Variants in COL25A1 observed in about 807,000 individuals in gnomAD.
COL25A1 encodes the protein collagen alpha-1(XXV) chain.
A neutral mutation model predicts 128.4 loss-of-function variants in COL25A1; 103 were observed. That is an observed-to-expected ratio of 0.80 (90% CI 0.68 to 0.94). The LOEUF is 0.94. Ranked by LOEUF, COL25A1 falls within the 40% of genes least tolerant of loss-of-function variation. The pLI is 0.00. For synonymous variants in COL25A1, 279 were observed against 277.2 expected, an observed-to-expected ratio of 1.01 and a Z score of -0.06; for missense variants, 745 against 840.0, an observed-to-expected ratio of 0.89 and a Z score of 1.40.
At chr4:109,269,916 C>T (rs1553971522) in intron 3 of COL25A1, among the ~76,000 whole-genome samples, 1 of 152,270 alleles carries the variant, frequency 6.6e-6, no homozygotes, top group East Asian at 1.9e-4. Context: ...TGGTTCAATA[C>T]ACACAAATCA....
intron 3 of COL25A1, among the ~76,000 whole-genome samples, chr4:109,074,627 T>C (rs905902640): frequency 5.9e-5 from 9 of 152,198 alleles, no homozygotes; most frequent in African/African-American, 1.9e-4. Context: ...GTGACTTAGT[T>C]TAAGTAATGA....
At chr4:109,296,378 A>T (rs774506304) in intron 3 of COL25A1, among the ~76,000 whole-genome samples, 2 of 152,090 alleles carry the variant, frequency 1.3e-5, no homozygotes, top group Non-Finnish European at 2.9e-5. Context: ...CATCTGCCCC[A>T]AAGCACACTA....
intron 28 of COL25A1, among the ~76,000 whole-genome samples, chr4:108,845,556 C>T (rs370882337): frequency 1.1e-4 from 17 of 152,058 alleles, no homozygotes; most frequent in African/African-American, 3.9e-4. Context: ...TATGGTGGTG[C>T]GCAATTTAAA....
intron 8 of COL25A1, among the ~76,000 whole-genome samples, chr4:108,956,989 T>TA (rs919448791): frequency 1.3e-4 from 20 of 152,068 alleles, no homozygotes; most frequent in Non-Finnish European, 4.4e-5. Flanking sequence ...ATAGTAACAG[T>TA]AAAAAAAATT....
chr4:109,134,302 T>A (rs1012228926), intron 3 of COL25A1, among the ~76,000 whole-genome samples: 1 of 152,010 alleles, frequency 6.6e-6, no homozygotes, highest in African/African-American at 2.4e-5. Flanking sequence ...GAAGATAGAT[T>A]AGACAGAAGG....
intron 5 of COL25A1, 63 bp downstream of exon 5, chr4:109,048,105 A>C: frequency 6.4e-7 from 1 of 1,559,970 alleles, no homozygotes; most frequent in East Asian, 2.2e-5. Flanking sequence ...GTGTTTTAAC[A>C]AAGTTTTAAC....
chr4:109,182,858 T>C (rs1243007423), intron 3 of COL25A1, among the ~76,000 whole-genome samples: 1 of 152,174 alleles, frequency 6.6e-6, no homozygotes, highest in African/African-American at 2.4e-5. Context: ...CTTTTGATGC[T>C]ACAATATAAG....
chr4:109,259,837 T>C (rs1781314548), intron 3 of COL25A1, among the ~76,000 whole-genome samples: 1 of 152,192 alleles, frequency 6.6e-6, no homozygotes, highest in Non-Finnish European at 1.5e-5. Context: ...CGGCATCCCA[T>C]TAAAGCAACA....
At chr4:109,004,310 C>G (rs1012621803) in intron 6 of COL25A1, among the ~76,000 whole-genome samples, 6 of 152,120 alleles carry the variant, frequency 3.9e-5, no homozygotes, top group Admixed American at 6.5e-5. Flanking sequence ...TAGACAGTTT[C>G]CCTTTTTACC....
At chr4:108,928,872 T>C (rs111600315) in intron 11 of COL25A1, among the ~76,000 whole-genome samples, 3,716 of 152,204 alleles carry the variant, frequency 0.024, 115 homozygotes, top group Admixed American at 0.058. Context: ...AAGAGCCATA[T>C]GTAGCTAATG....
Position 108,862,483 on chromosome 4 carries a change from G to A in COL25A1, c.1197+18C>T, listed in dbSNP as rs750836468. 1.3e-6 allele frequency: 2 copies of A among 1,594,848 alleles called. No individual in the cohort carries two copies. The highest frequency in any genetic ancestry group is 1.7e-5 in the Admixed American group (1 of 59,938). On this transcript the variant is annotated intron_variant, in intron 22 of 37. Coordinates refer to ENST00000399132, the MANE Select transcript of COL25A1 (RefSeq NM_198721.4). ...TGAAGGCCTCATGTTATATTTAAAT[G>A]GTTATCTGGTTACTGACCTTTGACC...
At chr4:108,933,238 G>C (rs1227874750) in intron 11 of COL25A1, among the ~76,000 whole-genome samples, 1 of 152,100 alleles carries the variant, frequency 6.6e-6, no homozygotes, top group Non-Finnish European at 1.5e-5. Flanking sequence ...TTCATCATCA[G>C]AGACATTTTA....
intron 3 of COL25A1, among the ~76,000 whole-genome samples, chr4:109,260,701 G>A (rs1781385806): frequency 6.6e-6 from 1 of 152,086 alleles, no homozygotes; most frequent in African/African-American, 2.4e-5. Context: ...TCACCATGTT[G>A]GCCAGGCTGG....
chr4:109,299,172 A>C (rs1236186034), intron 3 of COL25A1, among the ~76,000 whole-genome samples: 1 of 152,146 alleles, frequency 6.6e-6, no homozygotes, highest in Non-Finnish European at 1.5e-5. Context: ...TATACAAAAA[A>C]ATGCTGGACT....
intron 12 of COL25A1, among the ~76,000 whole-genome samples, chr4:108,918,566 GC>G (rs1473908396): frequency 6.6e-6 from 1 of 152,172 alleles, no homozygotes; most frequent in East Asian, 1.9e-4. Flanking sequence ...CCTACCAGTA[GC>G]AGTAACACTT....
At chr4:109,280,365 C>T (rs766407744) in intron 3 of COL25A1, among the ~76,000 whole-genome samples, 1 of 152,158 alleles carries the variant, frequency 6.6e-6, no homozygotes, top group Non-Finnish European at 1.5e-5. Context: ...AAATGTTTAA[C>T]CTGAATCTTA....
intron 9 of COL25A1, among the ~76,000 whole-genome samples, 176 bp downstream of exon 9, chr4:108,941,186 TTATC>T (rs1416939641): frequency 1.3e-5 from 2 of 152,202 alleles, no homozygotes; most frequent in Admixed American, 6.5e-5. Context: ...TTTTGGTAAT[TTATC>T]TAACATTTCA....
At chr4:108,901,070 C>A in intron 14 of COL25A1, 49 bp downstream of exon 14, 1 of 1,401,268 alleles carries the variant, frequency 7.1e-7, no homozygotes, top group South Asian at 1.2e-5. Flanking sequence ...TTACAATTTC[C>A]TGACAATTCG....
At chr4:109,260,322 T>G (rs1180955631) in intron 3 of COL25A1, among the ~76,000 whole-genome samples, 2 of 152,164 alleles carry the variant, frequency 1.3e-5, no homozygotes, top group Non-Finnish European at 2.9e-5. Flanking sequence ...GGGTCAAATT[T>G]TTTTTAAAAA....
Sources: gnomAD v4.1 joint callset for allele counts (sites outside exome capture counted in the v4.1 genomes callset) on GRCh38, gnomAD v4.1.1 for gene constraint, MANE v1.5 for transcripts, NCBI Gene and HGNC (gene_info 2026-07-23, HGNC 2026-07-21) for gene names.